Variants in LRMDA observed in about 807,000 individuals in gnomAD.
LRMDA encodes leucine rich melanocyte differentiation associated, also known as leucine-rich melanocyte differentiation-associated protein.
A neutral mutation model predicts 29.8 loss-of-function variants in LRMDA; 18 were observed. The observed-to-expected ratio is 0.60, with a 90% CI of 0.42 to 0.90. The LOEUF is 0.90. Ranked by LOEUF, LRMDA falls within the 40% of genes least tolerant of loss-of-function variation. The pLI, the probability that LRMDA is intolerant of heterozygous loss-of-function variation, is 0.00. For synonymous variants in LRMDA, 125 were observed against 109.4 expected, an observed-to-expected ratio of 1.14 and a Z score of -0.89; for missense variants, 273 against 273.9, an observed-to-expected ratio of 1.00 and a Z score of 0.02.
At chr10:76,348,169 C>T (rs1272433813) in intron 6 of LRMDA, among the ~76,000 whole-genome samples, 1 of 151,998 alleles carries the variant, frequency 6.6e-6, no homozygotes, top group Non-Finnish European at 1.5e-5. Context: ...AATGTAGCCC[C>T]GAGGAAAGTA....
chr10:75,768,084 C>G (rs1459919052), intron 2 of LRMDA, among the ~76,000 whole-genome samples: 1 of 152,232 alleles, frequency 6.6e-6, no homozygotes, highest in Non-Finnish European at 1.5e-5. Flanking sequence ...TTTCAGACTT[C>G]TAGTCTCCAG....
chr10:76,538,226 T>G (rs1307376173), intron 6 of LRMDA, among the ~76,000 whole-genome samples: 1 of 151,980 alleles, frequency 6.6e-6, no homozygotes, highest in Admixed American at 6.6e-5. Context: ...TTCAGAGAAG[T>G]CCCTGTCCCA....
chr10:76,521,710 A>G (rs1843122938), intron 6 of LRMDA, among the ~76,000 whole-genome samples: 1 of 152,192 alleles, frequency 6.6e-6, no homozygotes, highest in Admixed American at 6.5e-5. Flanking sequence ...CTAGTACTCC[A>G]GTTGACTTGA....
intron 6 of LRMDA, among the ~76,000 whole-genome samples, chr10:76,341,886 C>T (rs1347447480): frequency 6.6e-6 from 1 of 152,080 alleles, no homozygotes; most frequent in East Asian, 1.9e-4. Context: ...TCTTTTATGA[C>T]CTCAGAAGTC....
At chr10:75,900,519 T>C (rs1429216676) in intron 2 of LRMDA, among the ~76,000 whole-genome samples, 3 of 152,184 alleles carry the variant, frequency 2.0e-5, no homozygotes, top group African/African-American at 7.2e-5. Context: ...AGGAAACCCC[T>C]TTGAGACTAG....
intron 5 of LRMDA, chr10:76,270,776 G>T (rs1443553974): frequency 6.6e-6 from 1 of 152,132 alleles, no homozygotes; most frequent in African/African-American, 2.4e-5. Flanking sequence ...GCTCAGGAAG[G>T]GGTGCAGGTT....
chr10:75,469,585 T>TGC (rs1234791835), intron 2 of LRMDA, among the ~76,000 whole-genome samples: 1 of 114,520 alleles, frequency 8.7e-6, no homozygotes, highest in Non-Finnish European at 1.7e-5. Context: ...TGAGTGTATG[T>TGC]GCGTGTGTGT....
chr10:76,329,488 G>T (rs186385189), intron 6 of LRMDA, among the ~76,000 whole-genome samples: 362 of 152,244 alleles, frequency 2.4e-3, no homozygotes, highest in Non-Finnish European at 3.0e-3. Flanking sequence ...ATGTGTAAAA[G>T]AAAGAAAGCA....
intron 5 of LRMDA, among the ~76,000 whole-genome samples, chr10:76,179,156 T>C (rs972851665): frequency 6.6e-6 from 1 of 152,166 alleles, no homozygotes; most frequent in Non-Finnish European, 1.5e-5. Context: ...CTGTTCACTG[T>C]TGTAGAATGG....
intron 6 of LRMDA, among the ~76,000 whole-genome samples, chr10:76,499,644 TCA>T (rs937283601): frequency 4.0e-5 from 3 of 74,792 alleles, no homozygotes; most frequent in African/African-American, 9.7e-5. Context: ...GCTTATATAA[TCA>T]CAGTACAATG....
chr10:75,772,870 G>GGT (rs1554824985), intron 2 of LRMDA, among the ~76,000 whole-genome samples: 1 of 81,404 alleles, frequency 1.2e-5, no homozygotes, highest in South Asian at 5.2e-4. Flanking sequence ...GGGGTGGGAT[G>GGT]GGGGGGGGCA....
chr10:75,837,769 A>T (rs1844466127), intron 2 of LRMDA, among the ~76,000 whole-genome samples: 3 of 152,164 alleles, frequency 2.0e-5, no homozygotes, highest in Admixed American at 1.3e-4. Flanking sequence ...ATAAAAAAAA[A>T]AATTCCAAGG....
At chr10:75,865,623 T>C (rs1845005800) in intron 2 of LRMDA, among the ~76,000 whole-genome samples, 1 of 152,212 alleles carries the variant, frequency 6.6e-6, no homozygotes, top group African/African-American at 2.4e-5. Flanking sequence ...AATTTGTTTG[T>C]CAGCTCTGTT....
chr10:75,777,717 C>G (rs1340595538), intron 2 of LRMDA, among the ~76,000 whole-genome samples: 1 of 152,164 alleles, frequency 6.6e-6, no homozygotes, highest in Non-Finnish European at 1.5e-5. Flanking sequence ...CTCACTAGTT[C>G]TGTGATTTGG....
intron 2 of LRMDA, among the ~76,000 whole-genome samples, chr10:75,836,939 A>G (rs558621157): frequency 1.2e-4 from 19 of 152,326 alleles, no homozygotes; most frequent in African/African-American, 4.6e-4. Flanking sequence ...CATAGTACAT[A>G]AAACTGGAGA....
At chr10:75,507,937 C>T (rs772527389) in intron 2 of LRMDA, among the ~76,000 whole-genome samples, 17 of 152,202 alleles carry the variant, frequency 1.1e-4, no homozygotes, top group Non-Finnish European at 2.4e-4. Flanking sequence ...ACACAGCTCT[C>T]AATTGAGCCC....
chr10:75,995,443 G>A (rs1847445428), intron 2 of LRMDA, among the ~76,000 whole-genome samples: 1 of 152,170 alleles, frequency 6.6e-6, no homozygotes, highest in Non-Finnish European at 1.5e-5. Context: ...TGGCTTGGTT[G>A]CAACTGGTCA....
At chr10:76,207,235 A>G (rs1176410248) in intron 5 of LRMDA, among the ~76,000 whole-genome samples, 2 of 152,328 alleles carry the variant, frequency 1.3e-5, no homozygotes, top group South Asian at 2.1e-4. Context: ...TTTTAGATAC[A>G]CTTTACCAGG....
chr10:76,265,399 G>A (rs190854882), intron 5 of LRMDA, among the ~76,000 whole-genome samples: 3 of 152,246 alleles, frequency 2.0e-5, no homozygotes, highest in Non-Finnish European at 2.9e-5. Context: ...GGGCTCAGTG[G>A]TTGAGCCCTG....
Sources: gnomAD v4.1 joint callset for allele counts (sites outside exome capture counted in the v4.1 genomes callset) on GRCh38, gnomAD v4.1.1 for gene constraint, MANE v1.5 for transcripts, NCBI Gene and HGNC (gene_info 2026-07-23, HGNC 2026-07-21) for gene names.